Variants in SLC1A1 observed in about 807,000 individuals in gnomAD.
SLC1A1 encodes the protein excitatory amino acid transporter 3.
A neutral mutation model predicts 53.3 loss-of-function variants in SLC1A1; 43 were observed. The ratio of observed to expected loss-of-function variants is 0.81; its 90% CI spans 0.63 to 1.04. SLC1A1 has a LOEUF of 1.04. Ranked by LOEUF, SLC1A1 falls within the 50% of genes least tolerant of loss-of-function variation. The pLI is 0.00. For missense variants in SLC1A1, 748 were observed against 664.9 expected (o/e 1.12, Z -1.37); for synonymous variants, 307 against 243.2 (o/e 1.26, Z -2.44).
intron 1 of SLC1A1, among the ~76,000 whole-genome samples, chr9:4,504,834 A>C (rs1820745081): frequency 6.6e-6 from 1 of 152,230 alleles, no homozygotes. Flanking sequence ...CAATCACAAC[A>C]GGAAGATTTT....
At chr9:4,513,346 A>C (rs997321390) in intron 1 of SLC1A1, among the ~76,000 whole-genome samples, 1 of 152,208 alleles carries the variant, frequency 6.6e-6, no homozygotes, top group African/African-American at 2.4e-5. Context: ...AGAAACTCTC[A>C]AAACTAAGTA....
At chr9:4,544,971 C>G (rs1235243334) in intron 2 of SLC1A1, among the ~76,000 whole-genome samples, 1 of 152,140 alleles carries the variant, frequency 6.6e-6, no homozygotes, top group Non-Finnish European at 1.5e-5. Context: ...TGAGAACTCA[C>G]TCACTATCAC....
At chr9:4,553,523 C>A (rs1231315605) in intron 2 of SLC1A1, 1 of 152,150 alleles carries the variant, frequency 6.6e-6, no homozygotes, top group African/African-American at 2.4e-5. Flanking sequence ...TGTGCCACCA[C>A]CACCGGCTAA....
At chr9:4,504,387 A>G (rs181116703) in intron 1 of SLC1A1, among the ~76,000 whole-genome samples, 1 of 152,342 alleles carries the variant, frequency 6.6e-6, no homozygotes, top group East Asian at 1.9e-4. Context: ...TATTTCTATG[A>G]TAAGAAATTA....
At chr9:4,565,806 G>A (rs73383437) in intron 4 of SLC1A1, among the ~76,000 whole-genome samples, 8,028 of 152,228 alleles carry the variant, frequency 0.053, 613 homozygotes, top group African/African-American at 0.17. Context: ...ACCAAGGAGC[G>A]TAAGCATGTC....
At chr9:4,529,097 C>T (rs1164450383) in intron 1 of SLC1A1, among the ~76,000 whole-genome samples, 1 of 152,096 alleles carries the variant, frequency 6.6e-6, no homozygotes, top group East Asian at 1.9e-4. Context: ...ATTTGTTCCC[C>T]TTCTCCACTC....
intron 2 of SLC1A1, among the ~76,000 whole-genome samples, chr9:4,545,187 A>ACGTCTCTCTCTCTCTCTC (rs1482539598): frequency 0.016 from 774 of 48,932 alleles, 13 homozygotes; most frequent in African/African-American, 0.046. Context: ...AATACATTAG[A>ACGTCTCTCTCTCTCTCTC]TGTCTCTCTC....
At chr9:4,511,198 G>T (rs908020818) in intron 1 of SLC1A1, among the ~76,000 whole-genome samples, 4 of 152,186 alleles carry the variant, frequency 2.6e-5, no homozygotes, top group African/African-American at 9.7e-5. Context: ...CACAGACTAC[G>T]TAGCTTATAA....
chr9:4,547,926 T>C, intron 2 of SLC1A1, among the ~76,000 whole-genome samples: 1 of 152,176 alleles, frequency 6.6e-6, no homozygotes, highest in Non-Finnish European at 1.5e-5. Flanking sequence ...GAAAATAAAA[T>C]TACACAACAG....
chr9:4,512,988 C>T (rs1316270205), intron 1 of SLC1A1, among the ~76,000 whole-genome samples: 1 of 151,934 alleles, frequency 6.6e-6, no homozygotes, highest in Admixed American at 6.6e-5. Flanking sequence ...GATAGTCTTT[C>T]CAACAAATGG....
Position 4,585,483 on chromosome 9 carries a change from G to T in SLC1A1, c.1500G>T (p.Lys500Asn), listed in dbSNP as rs749583753. 1 of 1,614,200 alleles carries T rather than the reference G, an allele frequency of 6.2e-7. No homozygotes were observed. Among genetic ancestry groups the T allele is most frequent in the Non-Finnish European group, 8.5e-7 (1 of 1,180,016 alleles). ...TTGACAACGAAGACTCAGACACCAA[G>T]AAGTCTTATGTCAATGGAGGCTTTG... ...TILDNEDSDT[K>N]KSYVNGGFAV... Residue 500 changes from lysine to asparagine, a missense_variant, in exon 12 of 12, where the codon AAG (lysine) becomes AAT (asparagine). Lys to Asn is a moderately conservative substitution (Grantham distance 94, BLOSUM62 0). Coordinates refer to ENST00000262352, the MANE Select transcript of SLC1A1 (RefSeq NM_004170.6).
intron 1 of SLC1A1, among the ~76,000 whole-genome samples, chr9:4,531,844 C>G (rs10815009): frequency 0.48 from 73,257 of 151,774 alleles, 18,314 homozygotes; most frequent in Non-Finnish European, 0.53. Flanking sequence ...GCAGGGTAAC[C>G]CTCTGAGACA....
Position 4,585,744 on chromosome 9 carries a change from G to T in SLC1A1, c.*186G>T. On this transcript the variant is annotated 3_prime_UTR_variant, in exon 12 of 12. Transcript: ENST00000262352. ...GCTCTGGGTTTTGGGATTTGGGTGTGGGGTAAGTTGAAGGGAAATCAATTT... is the reference window on the plus strand; with the variant it reads ...GCTCTGGGTTTTGGGATTTGGGTGTTGGGTAAGTTGAAGGGAAATCAATTT... 1.5e-6 allele frequency: 1 copy of T among 689,076 alleles called. No homozygotes were observed. The highest frequency in any genetic ancestry group is 4.0e-4 in the Middle Eastern group (1 of 2,498). 42.7% of individuals were successfully genotyped at this position (689,076 alleles called of 1,614,324 possible). A position where few individuals can be genotyped will look rare whatever the true frequency, so the allele number is the denominator to read the frequency against.
At position 4,504,322 on chromosome 9, in the gene SLC1A1, G is replaced by A. The variant is rs146910413; in HGVS notation, c.91+13552G>A. 1.3e-3 allele frequency among the ~76,000 whole-genome samples: 198 copies of A among 152,206 alleles called. 2 individuals are homozygous for A. Among genetic ancestry groups the A allele is most frequent in the African/African-American group, 4.7e-3 (195 of 41,530 alleles). On this transcript the variant is annotated intron_variant, in intron 1 of 11. Coordinates refer to ENST00000262352, the MANE Select transcript of SLC1A1 (RefSeq NM_004170.6). ...TTATTTCTGGATTTTCCCCCTCCAAGTGTCCTTTCACATCCTTATCCAAAT... is the reference window on the plus strand; with the variant it reads ...TTATTTCTGGATTTTCCCCCTCCAAATGTCCTTTCACATCCTTATCCAAAT...
Position 4,549,333 on chromosome 9 carries a change from G to T in SLC1A1, c.232+4626G>T, listed in dbSNP as rs748685028. Among the ~76,000 whole-genome samples, 89 of 152,210 alleles carry T rather than the reference G, an allele frequency of 5.8e-4. No individual in the cohort carries two copies. The highest frequency in any genetic ancestry group is 2.1e-3 in the African/African-American group (86 of 41,558). The stretch of plus-strand genomic sequence containing the variant: ...CTACCCCGGTGACCTAAGGAGTTCC[G>T]CTCTTTGCTCCTCCATCCTAAGACA... On this transcript the variant is annotated intron_variant, in intron 2 of 11. Coordinates refer to ENST00000262352, the MANE Select transcript of SLC1A1 (RefSeq NM_004170.6). This position sits in a 1 kb window ranked among gnomAD's most constrained non-coding sequence, Gnocchi z 4.1.
Position 4,583,569 on chromosome 9 carries a change from G to A in SLC1A1, c.1328+397G>A, listed in dbSNP as rs141918443. Among the ~76,000 whole-genome samples, 699 of 152,208 alleles carry A rather than the reference G, an allele frequency of 4.6e-3. 3 individuals are homozygous for A. Among genetic ancestry groups the A allele is most frequent in the African/African-American group, 0.015 (631 of 41,530 alleles). On this transcript the variant is annotated intron_variant, in intron 11 of 11. Transcript: ENST00000262352. This position sits in a 1 kb window ranked among gnomAD's most constrained non-coding sequence, Gnocchi z 4.6. ...CAGTCCGTCTTCCTAAGCATCTTCC[G>A]AACCATCAGGGACAGTGGCACAAGC...
chr9:4,529,716 G>C (rs1241444131), intron 1 of SLC1A1, among the ~76,000 whole-genome samples: 1 of 151,980 alleles, frequency 6.6e-6, no homozygotes, highest in Non-Finnish European at 1.5e-5. Flanking sequence ...GTGTTGTAGA[G>C]ATGGTGTCTC....
chr9:4,568,636 G>A (rs952487739), intron 6 of SLC1A1, among the ~76,000 whole-genome samples: 5 of 150,090 alleles, frequency 3.3e-5, no homozygotes, highest in Admixed American at 6.7e-5. Context: ...CAGGAGGATC[G>A]TTTGAGCTAT....
At chr9:4,535,772 C>T (rs1185420324) in intron 1 of SLC1A1, among the ~76,000 whole-genome samples, 1 of 152,074 alleles carries the variant, frequency 6.6e-6, no homozygotes, top group African/African-American at 2.4e-5. Flanking sequence ...GCCAAAAGAA[C>T]AAAGCTGGAG....
Sources: allele counts gnomAD v4.1 joint callset (sites outside exome capture counted in the v4.1 genomes callset), GRCh38; gene constraint gnomAD v4.1.1; non-coding constraint Gnocchi (gnomAD v3.1); transcripts MANE v1.5; gene names NCBI Gene and HGNC (gene_info 2026-07-23, HGNC 2026-07-21).